Variants in TTC28 observed in about 807,000 individuals in gnomAD.
TTC28 encodes tetratricopeptide repeat domain 28.
Under a neutral mutation model 198.0 loss-of-function variants are expected in TTC28, and 61 were observed. The ratio of observed to expected loss-of-function variants is 0.31; its 90% CI spans 0.25 to 0.38. The LOEUF (loss-of-function observed/expected upper bound fraction) is 0.38, where lower values mean the gene tolerates loss of function less well. Among genes scored for constraint, TTC28 ranks in the 10% least tolerant of loss-of-function variants. The pLI is 1.00. For missense variants in TTC28, 2,678 were observed against 3,164.0 expected (o/e 0.85, Z 3.69); for synonymous variants, 1,171 against 1,297.8 (o/e 0.90, Z 2.10).
intron 2 of TTC28, among the ~76,000 whole-genome samples, chr22:28,347,760 C>T (rs2045930573): frequency 6.6e-6 from 1 of 152,302 alleles, no homozygotes; most frequent in African/African-American, 2.4e-5. Context: ...GTAATCCCAG[C>T]TACTCAAGTG....
At chr22:28,241,740 A>G (rs1286724356) in intron 5 of TTC28, among the ~76,000 whole-genome samples, 1 of 152,156 alleles carries the variant, frequency 6.6e-6, no homozygotes, top group African/African-American at 2.4e-5. Context: ...ATAAAAATAA[A>G]AAGTTACAAA....
chr22:28,603,863 T>C (rs1440454488), intron 2 of TTC28, among the ~76,000 whole-genome samples: 1 of 152,224 alleles, frequency 6.6e-6, no homozygotes, highest in African/African-American at 2.4e-5. Context: ...AGTGTTGCTA[T>C]AACAAAATAT....
At chr22:28,101,811 A>AAAG (rs1942164074) in intron 8 of TTC28, among the ~76,000 whole-genome samples, 1 of 113,270 alleles carries the variant, frequency 8.8e-6, no homozygotes, top group African/African-American at 3.4e-5. Context: ...AAAAAAAAAA[A>AAAG]AGAATACTAA....
At chr22:28,349,475 G>C (rs955642691) in intron 2 of TTC28, among the ~76,000 whole-genome samples, 2 of 152,136 alleles carry the variant, frequency 1.3e-5, no homozygotes, top group African/African-American at 4.8e-5. Flanking sequence ...CCATCTGCCT[G>C]AATGGTACTA....
At chr22:28,293,496 G>A (rs2044826596) in intron 5 of TTC28, among the ~76,000 whole-genome samples, 1 of 152,048 alleles carries the variant, frequency 6.6e-6, no homozygotes, top group Non-Finnish European at 1.5e-5. Context: ...GGAGATGTTG[G>A]TTAAAGGGTA....
intron 2 of TTC28, among the ~76,000 whole-genome samples, chr22:28,591,034 CACACACATATATATATATAT>C (rs1372840324): frequency 0.065 from 3,121 of 47,716 alleles, 59 homozygotes; most frequent in Non-Finnish European, 0.083. Context: ...CACACACACA[CACACACATATATATATATAT>C]ATATATATAT....
At chr22:28,047,056 AT>A (rs763694786) in intron 12 of TTC28, among the ~76,000 whole-genome samples, 9 of 152,086 alleles carry the variant, frequency 5.9e-5, no homozygotes, top group Non-Finnish European at 1.2e-4. Context: ...GAAACTGGTG[AT>A]TTCTTTGGAG....
At chr22:28,086,370 T>C (rs971203716) in intron 12 of TTC28, among the ~76,000 whole-genome samples, 10 of 152,066 alleles carry the variant, frequency 6.6e-5, no homozygotes, top group African/African-American at 2.2e-4. Context: ...CACTCAAAAC[T>C]GGACAACTAC....
intron 2 of TTC28, among the ~76,000 whole-genome samples, chr22:28,318,703 T>G (rs1266378736): frequency 1.3e-5 from 2 of 152,068 alleles, no homozygotes; most frequent in Non-Finnish European, 2.9e-5. Context: ...GAGGCAGTCA[T>G]TTTTCTTTTC....
chr22:28,638,908 C>T (rs2051317159), intron 1 of TTC28, among the ~76,000 whole-genome samples: 1 of 152,204 alleles, frequency 6.6e-6, no homozygotes, highest in Non-Finnish European at 1.5e-5. Flanking sequence ...TCAAGCTATC[C>T]TCCCACCTCT....
intron 13 of TTC28, among the ~76,000 whole-genome samples, chr22:28,018,101 C>G (rs764506689): frequency 2.0e-5 from 3 of 152,190 alleles, no homozygotes; most frequent in Non-Finnish European, 4.4e-5. Context: ...AGCTCACAGA[C>G]CAACTATTTC....
chr22:28,294,623 CA>C (rs1367503574), intron 5 of TTC28, among the ~76,000 whole-genome samples: 3 of 151,592 alleles, frequency 2.0e-5, no homozygotes, highest in Non-Finnish European at 4.4e-5. Context: ...GGCTGGACTT[CA>C]GTGGCGCAAT....
At chr22:28,576,281 T>A (rs1243712024) in intron 2 of TTC28, among the ~76,000 whole-genome samples, 1 of 152,074 alleles carries the variant, frequency 6.6e-6, no homozygotes, top group Non-Finnish European at 1.5e-5. Flanking sequence ...TGTTGATATA[T>A]CACATTGATT....
chr22:28,049,599 G>T (rs1267382210), intron 12 of TTC28, among the ~76,000 whole-genome samples: 1 of 152,168 alleles, frequency 6.6e-6, no homozygotes, highest in East Asian at 1.9e-4. Flanking sequence ...CCCCCAGCTG[G>T]TTGGGGACTG....
rs144027230 is a variant in TTC28 at position 28,270,592 on chromosome 22, T to C, written c.933+25606A>G. On this transcript the variant is annotated intron_variant, in intron 5 of 22. Coordinates refer to ENST00000397906, the MANE Select transcript of TTC28 (RefSeq NM_001145418.2). ...ATGTACAGAGGTCACTCAGCAATATTTATTCCCCATTAATGTTCTTTTCTA... is the reference window on the plus strand; with the variant it reads ...ATGTACAGAGGTCACTCAGCAATATCTATTCCCCATTAATGTTCTTTTCTA... Among the ~76,000 whole-genome samples, 12 of 152,322 alleles carry C rather than the reference T, an allele frequency of 7.9e-5. No individual in the cohort carries two copies. The East Asian group carries it at 1.9e-3, about 24-fold the overall frequency.
intron 2 of TTC28, among the ~76,000 whole-genome samples, chr22:28,620,674 C>T (rs1276277824): frequency 6.6e-6 from 1 of 152,166 alleles, no homozygotes; most frequent in East Asian, 1.9e-4. Context: ...CAAAAGCAGA[C>T]CAGTGAAGAG....
intron 5 of TTC28, among the ~76,000 whole-genome samples, chr22:28,226,048 G>A (rs1025318130): frequency 6.6e-6 from 1 of 152,228 alleles, no homozygotes; most frequent in Non-Finnish European, 1.5e-5. Flanking sequence ...CCTGCTAGTG[G>A]ATATTTGGAT....
rs531506375 is a variant in TTC28 at position 28,024,093 on chromosome 22, C to T, written c.4073+6133G>A. ...TAACACACAGCACCCTGCTAGGCTCCTTGGGGATACAGAGATAAATCAGAA... is the reference window on the plus strand; with the variant it reads ...TAACACACAGCACCCTGCTAGGCTCTTTGGGGATACAGAGATAAATCAGAA... On this transcript the variant is annotated intron_variant, in intron 13 of 22. Transcript: ENST00000397906. 9.9e-4 allele frequency among the ~76,000 whole-genome samples: 150 copies of T among 152,230 alleles called. 1 individual carries two copies. The highest frequency in any genetic ancestry group is 3.4e-3 in the African/African-American group (143 of 41,542).
chr22:28,624,812 C>G (rs539873591), intron 2 of TTC28, among the ~76,000 whole-genome samples: 1 of 152,274 alleles, frequency 6.6e-6, no homozygotes, highest in South Asian at 2.1e-4. Context: ...AGATCAGTAT[C>G]TCTCTTAAAC....
Sources: gnomAD v4.1 joint callset for allele counts (sites outside exome capture counted in the v4.1 genomes callset) on GRCh38, gnomAD v4.1.1 for gene constraint, MANE v1.5 for transcripts, NCBI Gene and HGNC (gene_info 2026-07-23, HGNC 2026-07-21) for gene names.